Variants in PCDHA10 observed in about 807,000 individuals in gnomAD.
PCDHA10 encodes protocadherin alpha 10.
Under a neutral mutation model 61.2 loss-of-function variants are expected in PCDHA10, and 45 were observed. That is an observed-to-expected ratio of 0.74 (90% CI 0.58 to 0.94). The LOEUF is 0.94. PCDHA10 is among the 40% of genes least tolerant of loss of function. The pLI, the probability that PCDHA10 is intolerant of heterozygous loss-of-function variation, is 0.00. For missense variants in PCDHA10, 1,278 were observed against 1,236.2 expected, an observed-to-expected ratio of 1.03 and a Z score of -0.51; for synonymous variants, 602 against 548.8, an observed-to-expected ratio of 1.10 and a Z score of -1.35.
chr5:140,876,301 A>G (rs2056269338), intron 1 of PCDHA10: 2 of 1,614,076 alleles, frequency 1.2e-6, no homozygotes, highest in East Asian at 4.5e-5. Flanking sequence ...TAATGGAGAA[A>G]TTTCCTATGG....
At chr5:140,867,227 T>C (rs73793506) in intron 1 of PCDHA10, 1 of 152,106 alleles carries the variant, frequency 6.6e-6, no homozygotes, top group African/African-American at 2.4e-5. Context: ...CCAATTCCCA[T>C]AATAAGGTGA....
chr5:140,936,771 C>G (rs182480245), intron 1 of PCDHA10, among the ~76,000 whole-genome samples: 2 of 152,230 alleles, frequency 1.3e-5, no homozygotes, highest in South Asian at 4.1e-4. Flanking sequence ...TGTGTAAGTT[C>G]TCTCACTTTG....
At position 140,857,907 on chromosome 5, in the gene PCDHA10, C is replaced by T. The variant is rs1250345336; in HGVS notation, c.1859C>T (p.Pro620Leu). 3.1e-6 allele frequency: 5 copies of T among 1,597,680 alleles called. No homozygotes were observed. Among genetic ancestry groups the T allele is most frequent in the Admixed American group, 1.7e-5 (1 of 59,240 alleles). Reference sequence around the variant, plus strand: ...TCGGCGGCGGTTGGTGCACGCATCCCGTTTCGCGTGGGGCTGTACACGGGC... The same window carrying T: ...TCGGCGGCGGTTGGTGCACGCATCCTGTTTCGCGTGGGGCTGTACACGGGC... ...LQSAAVGARI[P>L]FRVGLYTGEI... The change falls in exon 1 of 4, where the codon CCG (proline) becomes CTG (leucine). Residue 620 changes from proline to leucine, a missense_variant. Transcript: ENST00000307360.
At chr5:140,938,849 T>C (rs961236945) in intron 1 of PCDHA10, among the ~76,000 whole-genome samples, 1 of 152,102 alleles carries the variant, frequency 6.6e-6, no homozygotes, top group Admixed American at 6.6e-5. Flanking sequence ...CCTGCCCATG[T>C]ACCCCTGAAC....
At chr5:140,877,920 C>A in intron 1 of PCDHA10, 1 of 1,422,738 alleles carries the variant, frequency 7.0e-7, no homozygotes, top group Admixed American at 2.9e-5. Flanking sequence ...TCTCATTTTT[C>A]TTTATGATTC....
intron 1 of PCDHA10, chr5:140,876,877 C>T: frequency 6.2e-7 from 1 of 1,614,138 alleles, no homozygotes; most frequent in Non-Finnish European, 8.5e-7. Context: ...GGAGAACAAC[C>T]CGCCGGGCTG....
intron 1 of PCDHA10, among the ~76,000 whole-genome samples, chr5:140,953,639 AG>A (rs1227582024): frequency 6.6e-6 from 1 of 152,152 alleles, no homozygotes; most frequent in African/African-American, 2.4e-5. Context: ...TATTTTGGCC[AG>A]GAGCTATAGT....
At chr5:140,915,770 A>G (rs1215607027) in intron 1 of PCDHA10, among the ~76,000 whole-genome samples, 4 of 151,908 alleles carry the variant, frequency 2.6e-5, no homozygotes, top group African/African-American at 4.8e-5. Context: ...GTCTTGTCCA[A>G]GGCCTGCTGT....
intron 1 of PCDHA10, among the ~76,000 whole-genome samples, chr5:140,910,519 G>T (rs187918127): frequency 4.6e-5 from 7 of 152,218 alleles, no homozygotes; most frequent in African/African-American, 4.8e-5. Flanking sequence ...AAGGATGCAG[G>T]TACTCCCCTC....
At chr5:141,003,046 A>C (rs530303478) in intron 3 of PCDHA10, among the ~76,000 whole-genome samples, 76 of 152,356 alleles carry the variant, frequency 5.0e-4, no homozygotes, top group African/African-American at 1.8e-3. Context: ...TCCTGGCCTT[A>C]ACAGAACAGT....
intron 1 of PCDHA10, among the ~76,000 whole-genome samples, chr5:140,945,334 A>G (rs1352254498): frequency 6.6e-6 from 1 of 152,134 alleles, no homozygotes; most frequent in Non-Finnish European, 1.5e-5. Flanking sequence ...TTTTATGTTC[A>G]TAGCTTGGAA....
Position 141,009,759 on chromosome 5 carries a change from GATCTCCTGCAATCATCTCC to G in PCDHA10, c.2673_2691del (p.Pro892GlyfsTer15). 6.2e-7 allele frequency: 1 copy of G among 1,614,082 alleles called. No individual in the cohort carries two copies. The highest frequency in any genetic ancestry group is 8.5e-7 in the Non-Finnish European group (1 of 1,180,014). On this transcript the variant is annotated frameshift_variant, in exon 4 of 4. Transcript: ENST00000307360. LOFTEE classifies it high-confidence loss of function. Reference sequence around the variant, plus strand: ...TTGCCCGACAAATTCATTATCCCAGGATCTCCTGCAATCATCTCCATCCGGCAGGAGCCTACTAACAGCC... The same window carrying G: ...TTGCCCGACAAATTCATTATCCCAGGATCCGGCAGGAGCCTACTAACAGCC...
intron 3 of PCDHA10, among the ~76,000 whole-genome samples, chr5:140,984,456 C>T (rs545706582): frequency 8.5e-5 from 13 of 152,286 alleles, no homozygotes; most frequent in African/African-American, 3.1e-4. Context: ...TTCTTACTGT[C>T]CCAGCCCCTC....
At chr5:140,960,922 G>C (rs562658138) in intron 1 of PCDHA10, among the ~76,000 whole-genome samples, 1 of 152,272 alleles carries the variant, frequency 6.6e-6, no homozygotes, top group East Asian at 1.9e-4. Flanking sequence ...ATAGAAAATT[G>C]GTACTAAGTT....
At chr5:140,894,296 C>T (rs1434101692) in intron 1 of PCDHA10, among the ~76,000 whole-genome samples, 4 of 151,798 alleles carry the variant, frequency 2.6e-5, no homozygotes, top group African/African-American at 4.8e-5. Flanking sequence ...AGTTTATTTT[C>T]CTGGAAAGTT....
chr5:140,994,784 A>G (rs1245945274), intron 3 of PCDHA10, among the ~76,000 whole-genome samples: 2 of 152,202 alleles, frequency 1.3e-5, no homozygotes, highest in Non-Finnish European at 2.9e-5. Flanking sequence ...CAAAGGAAAC[A>G]ATGCGTGCAT....
intron 1 of PCDHA10, among the ~76,000 whole-genome samples, chr5:140,963,839 G>A (rs566875036): frequency 1.3e-5 from 2 of 152,290 alleles, no homozygotes; most frequent in African/African-American, 2.4e-5. Flanking sequence ...ATTTTCTCAT[G>A]TAATCATAAT....
chr5:140,960,428 A>T (rs1317168418), intron 1 of PCDHA10, among the ~76,000 whole-genome samples: 3 of 152,178 alleles, frequency 2.0e-5, no homozygotes, highest in Non-Finnish European at 4.4e-5. Context: ...CAATTACTTG[A>T]TACTCTAGAT....
At chr5:140,966,755 C>A in intron 1 of PCDHA10, 1 of 1,434,520 alleles carries the variant, frequency 7.0e-7, no homozygotes, top group South Asian at 1.5e-5. Context: ...GCCTCCGCCG[C>A]GGCCAGTGGC....
Sources: gnomAD v4.1 joint callset for allele counts (sites outside exome capture counted in the v4.1 genomes callset) on GRCh38, gnomAD v4.1.1 for gene constraint, MANE v1.5 for transcripts, NCBI Gene and HGNC (gene_info 2026-07-23, HGNC 2026-07-21) for gene names.